Variants in NSMCE2 observed in about 807,000 individuals in gnomAD.
NSMCE2 encodes E3 SUMO-protein ligase NSE2.
NSMCE2 carries 24 observed loss-of-function variants against 23.8 expected under a neutral mutation model. The observed-to-expected ratio is 1.01, with a 90% CI of 0.73 to 1.42. The LOEUF is 1.42. NSMCE2 is among the 40% of genes most tolerant of loss of function. The pLI is 0.00. For synonymous variants in NSMCE2, 92 were observed against 94.1 expected, an observed-to-expected ratio of 0.98 and a Z score of 0.13; for missense variants, 284 against 296.5, an observed-to-expected ratio of 0.96 and a Z score of 0.31.
chr8:125,105,842 G>T (rs1303850795), intron 3 of NSMCE2, among the ~76,000 whole-genome samples: 1 of 152,132 alleles, frequency 6.6e-6, no homozygotes, highest in Non-Finnish European at 1.5e-5. Context: ...TTAAAAGAAA[G>T]ATGTATTTAT....
chr8:125,098,850 G>C (rs762012039), intron 1 of NSMCE2, among the ~76,000 whole-genome samples: 8 of 152,084 alleles, frequency 5.3e-5, no homozygotes, highest in Non-Finnish European at 1.0e-4. Flanking sequence ...GACGTTTTAA[G>C]TTCTGGAGTG....
intron 5 of NSMCE2, chr8:125,348,494 A>G (rs1244719404): frequency 6.6e-6 from 1 of 152,150 alleles, no homozygotes; most frequent in Non-Finnish European, 1.5e-5. Flanking sequence ...ATTGGAACTT[A>G]TATGGTTTGG....
At chr8:125,298,228 C>T (rs907770657) in intron 5 of NSMCE2, among the ~76,000 whole-genome samples, 31 of 152,292 alleles carry the variant, frequency 2.0e-4, no homozygotes, top group Admixed American at 2.0e-4. Flanking sequence ...CCACTGCACT[C>T]CAGCCTGGGT....
intron 5 of NSMCE2, among the ~76,000 whole-genome samples, chr8:125,316,726 C>A (rs532665825): frequency 0.019 from 733 of 37,644 alleles, 4 homozygotes; most frequent in African/African-American, 0.052. Context: ...TTCTTTCTTT[C>A]CTTCTTTTCC....
Position 125,102,581 on chromosome 8 carries a change from A to G in NSMCE2, c.157+94A>G, listed in dbSNP as rs996783607. ...GTGCCTTTTGAGTATCCTTGGGGGA[A>G]TGATTTAACCCCTCTAGGCATCTGT... On this transcript the variant is annotated intron_variant, in intron 3 of 7. Coordinates refer to ENST00000287437, the MANE Select transcript of NSMCE2 (RefSeq NM_173685.4). 3 of 939,316 alleles carry G rather than the reference A, an allele frequency of 3.2e-6. No individual in the cohort carries two copies. In the African/African-American group the frequency reaches 4.9e-5, roughly 15 times the overall value. The allele number at this position is 939,316 out of a possible 1,614,324, so 58.2% of individuals were successfully genotyped here.
At chr8:125,128,888 G>A (rs1477398566) in intron 3 of NSMCE2, among the ~76,000 whole-genome samples, 1 of 151,970 alleles carries the variant, frequency 6.6e-6, no homozygotes, top group Non-Finnish European at 1.5e-5. Context: ...CCACTGCAAG[G>A]TCAGCTGATT....
chr8:125,175,878 T>C (rs1822462593), intron 4 of NSMCE2, among the ~76,000 whole-genome samples: 1 of 152,242 alleles, frequency 6.6e-6, no homozygotes, highest in Non-Finnish European at 1.5e-5. Context: ...GAAAATAATA[T>C]GTAGTTTCAG....
chr8:125,106,014 A>G (rs1250751117), intron 3 of NSMCE2, among the ~76,000 whole-genome samples: 2 of 150,022 alleles, frequency 1.3e-5, no homozygotes, highest in South Asian at 2.1e-4. Context: ...TATGAACTCA[A>G]TATGTATATG....
At chr8:125,171,886 A>G (rs1241870415) in intron 4 of NSMCE2, among the ~76,000 whole-genome samples, 1 of 152,220 alleles carries the variant, frequency 6.6e-6, no homozygotes, top group African/African-American at 2.4e-5. Flanking sequence ...GTGGTGTGGT[A>G]GTCACTAGCC....
intron 5 of NSMCE2, among the ~76,000 whole-genome samples, chr8:125,261,321 G>A (rs1257709751): frequency 6.6e-6 from 1 of 152,226 alleles, no homozygotes; most frequent in Non-Finnish European, 1.5e-5. Flanking sequence ...TAAAGCTCTT[G>A]CTTTCTGTCA....
At chr8:125,348,397 T>C (rs1812873506) in intron 5 of NSMCE2, 1 of 152,200 alleles carries the variant, frequency 6.6e-6, no homozygotes, top group South Asian at 2.1e-4. Context: ...AATCTTTCAT[T>C]GTGTAGGTGC....
intron 4 of NSMCE2, among the ~76,000 whole-genome samples, chr8:125,175,867 T>C (rs999001053): frequency 2.0e-5 from 3 of 152,242 alleles, no homozygotes; most frequent in African/African-American, 7.2e-5. Flanking sequence ...TAAAATATGG[T>C]GAAAATAATA....
chr8:125,346,377 T>C (rs1159944730), intron 5 of NSMCE2, among the ~76,000 whole-genome samples: 1 of 152,246 alleles, frequency 6.6e-6, no homozygotes, highest in African/African-American at 2.4e-5. Flanking sequence ...ACAACTTGCA[T>C]GTACTGTCTT....
At chr8:125,294,513 T>A (rs1339088866) in intron 5 of NSMCE2, among the ~76,000 whole-genome samples, 1 of 152,224 alleles carries the variant, frequency 6.6e-6, no homozygotes, top group Non-Finnish European at 1.5e-5. Context: ...TGAAGTGGTA[T>A]TTCATTATTT....
chr8:125,358,854 G>A (rs528253065), intron 7 of NSMCE2, among the ~76,000 whole-genome samples: 1 of 152,272 alleles, frequency 6.6e-6, no homozygotes, highest in African/African-American at 2.4e-5. Flanking sequence ...TGGTCATTCA[G>A]GCAAATAACT....
intron 4 of NSMCE2, among the ~76,000 whole-genome samples, chr8:125,162,446 C>A (rs1305135234): frequency 4.6e-5 from 7 of 152,128 alleles, no homozygotes. Context: ...GGTCCTGTTA[C>A]AATCGTAAAT....
At position 125,277,735 on chromosome 8, in the gene NSMCE2, C is replaced by T. The variant is rs1026661819; in HGVS notation, c.419-79484C>T. Among the ~76,000 whole-genome samples the T allele has an allele frequency of 3.1e-4, 47 of 152,228 alleles. 1 individual carries two copies. The highest frequency in any genetic ancestry group is 3.4e-3 in the Middle Eastern group (1 of 294). The stretch of plus-strand genomic sequence containing the variant: ...TTCACTGTGTTAGCCAGGATGGTCT[C>T]GATCTCCTGACCTTGTGATCCACCT... On this transcript the variant is annotated intron_variant, in intron 5 of 7. Transcript: ENST00000287437.
intron 5 of NSMCE2, among the ~76,000 whole-genome samples, chr8:125,233,852 TAATG>T (rs1825429338): frequency 6.6e-6 from 1 of 152,046 alleles, no homozygotes; most frequent in Non-Finnish European, 1.5e-5. Flanking sequence ...TTTCTACATC[TAATG>T]AATAGATCCC....
At chr8:125,346,925 A>G (rs574773363) in intron 5 of NSMCE2, among the ~76,000 whole-genome samples, 7 of 152,330 alleles carry the variant, frequency 4.6e-5, no homozygotes, top group African/African-American at 1.7e-4. Context: ...ATGAAAGGGT[A>G]TATCTTACTA....
Sources: gnomAD v4.1 joint callset for allele counts (sites outside exome capture counted in the v4.1 genomes callset) on GRCh38, gnomAD v4.1.1 for gene constraint, MANE v1.5 for transcripts, NCBI Gene and HGNC (gene_info 2026-07-23, HGNC 2026-07-21) for gene names.